The following DROSHA variants were observed in gnomAD, a reference collection of about 807,000 sequenced individuals.
DROSHA encodes ribonuclease 3.
A neutral mutation model predicts 181.9 loss-of-function variants in DROSHA; 56 were observed. The ratio of observed to expected loss-of-function variants is 0.31; its 90% CI spans 0.25 to 0.38. DROSHA has a LOEUF of 0.38. Ranked by LOEUF, DROSHA falls within the 10% of genes least tolerant of loss-of-function variation. The probability of loss-of-function intolerance (pLI) is 1.00; values close to 1 mark genes in which losing one functional copy is unlikely to be tolerated. For synonymous variants in DROSHA, 524 were observed against 591.2 expected, an observed-to-expected ratio of 0.89 and a Z score of 1.65; for missense variants, 1,218 against 1,743.5, an observed-to-expected ratio of 0.70 and a Z score of 5.37.
intron 18 of DROSHA, chr5:31,467,208 C>A (rs990858830): frequency 3.3e-5 from 5 of 151,614 alleles, no homozygotes; most frequent in African/African-American, 4.8e-5. Context: ...AACCCTTTAG[C>A]CTCTTCTAAT....
intron 23 of DROSHA, among the ~76,000 whole-genome samples, chr5:31,443,755 A>G (rs955673026): frequency 6.6e-6 from 1 of 152,128 alleles, no homozygotes; most frequent in African/African-American, 2.4e-5. Context: ...GAAAGATACT[A>G]CCCAGCCATT....
intron 10 of DROSHA, among the ~76,000 whole-genome samples, chr5:31,505,428 T>C (rs80338376): frequency 0.027 from 4,047 of 152,200 alleles, 176 homozygotes; most frequent in African/African-American, 0.093. Context: ...GGCACCAGCA[T>C]GCATGAGAAA....
At chr5:31,401,677 T>C in intron 35 of DROSHA, 115 bp from the exon 36 acceptor site, 1 of 640,570 alleles carries the variant, frequency 1.6e-6, no homozygotes, top group Non-Finnish European at 2.1e-6. Context: ...GAAATGTGTA[T>C]AATTGTATTT....
At chr5:31,425,420 C>A (rs1580047123) in intron 27 of DROSHA, among the ~76,000 whole-genome samples, 1 of 152,128 alleles carries the variant, frequency 6.6e-6, no homozygotes, top group East Asian at 1.9e-4. Context: ...ATTCAGAAAT[C>A]TTTCCTTTGA....
Position 31,526,407 on chromosome 5 carries a change from T to C in DROSHA, c.526A>G (p.Asn176Asp). Residue 176 changes from asparagine to aspartate, a missense_variant, in exon 5 of 36, where the codon AAC (asparagine) becomes GAC (aspartate). This residue lies in a region of DROSHA where 536 missense variants were observed against 535.4 expected (regional missense o/e 1.00). Coordinates refer to ENST00000344624, the MANE Select transcript of DROSHA (RefSeq NM_001382508.1). ...YQYPPGYSHH[N>D]FPPPSFNSFQ... ...CTATTAAAACTGGGAGGTGGGAAGTTGTGGTGAGAATAGCCCGGAGGGTAC... is the reference window on the plus strand; with the variant it reads ...CTATTAAAACTGGGAGGTGGGAAGTCGTGGTGAGAATAGCCCGGAGGGTAC... 1 of 1,610,996 alleles carries C rather than the reference T, an allele frequency of 6.2e-7. No homozygotes were observed. The highest frequency in any genetic ancestry group is 1.7e-4 in the Middle Eastern group (1 of 6,060).
At position 31,410,696 on chromosome 5, in the gene DROSHA, G is replaced by C. The variant is rs767655139; in HGVS notation, c.3667+50C>G. 7.6e-6 allele frequency: 12 copies of C among 1,571,656 alleles called. No individual in the cohort carries two copies. The East Asian group carries it at 2.8e-4, about 36-fold the overall frequency. ...AGGAGGAGGACAAATACGGTTACTT[G>C]GACTTAAACTCTGAACCTGGAGGTT... On this transcript the variant is annotated intron_variant, in intron 31 of 35. Coordinates refer to ENST00000344624, the MANE Select transcript of DROSHA (RefSeq NM_001382508.1).
chr5:31,460,921 C>T (rs908467860), intron 20 of DROSHA, among the ~76,000 whole-genome samples: 1 of 151,842 alleles, frequency 6.6e-6, no homozygotes, highest in Non-Finnish European at 1.5e-5. Context: ...ACAACAAAAA[C>T]ACTGTTGGTC....
At chr5:31,435,570 G>A (rs1744687243) in intron 25 of DROSHA, among the ~76,000 whole-genome samples, 195 bp downstream of exon 25, 1 of 152,126 alleles carries the variant, frequency 6.6e-6, no homozygotes, top group South Asian at 2.1e-4. Flanking sequence ...TTCATTAGCT[G>A]CTGGTGAAAC....
At chr5:31,462,477 C>A (rs137954841) in intron 20 of DROSHA, among the ~76,000 whole-genome samples, 1 of 152,026 alleles carries the variant, frequency 6.6e-6, no homozygotes, top group Non-Finnish European at 1.5e-5. Context: ...TGCCTACCAA[C>A]CTCGAAACAG....
intron 17 of DROSHA, 150 bp downstream of exon 17, chr5:31,471,913 A>T: frequency 1.5e-6 from 1 of 665,878 alleles, no homozygotes; most frequent in South Asian, 5.6e-5. Flanking sequence ...ATATTTTCTT[A>T]TTTACTAAAT....
chr5:31,401,676 A>G (rs1740013476), intron 35 of DROSHA, 114 bp from the exon 36 acceptor site: 1 of 648,076 alleles, frequency 1.5e-6, no homozygotes, highest in Non-Finnish European at 2.1e-6. Flanking sequence ...TGAAATGTGT[A>G]TAATTGTATT....
intron 16 of DROSHA, among the ~76,000 whole-genome samples, chr5:31,475,115 C>G (rs866809038): frequency 6.6e-6 from 1 of 152,198 alleles, no homozygotes; most frequent in South Asian, 2.1e-4. Flanking sequence ...CTCAGGAGTT[C>G]AAGGCTAGCC....
chr5:31,522,207 T>C (rs1224748884), intron 5 of DROSHA, among the ~76,000 whole-genome samples: 3 of 152,214 alleles, frequency 2.0e-5, no homozygotes, highest in Admixed American at 6.5e-5. Flanking sequence ...CTGATATATA[T>C]ACAATCCTCA....
rs780328063 is a variant in DROSHA, at chr5:31,409,027, C to T, written c.3854+29G>A. 5.6e-6 allele frequency: 9 copies of T among 1,603,542 alleles called. No homozygotes were observed. In the East Asian group the frequency reaches 1.8e-4, roughly 32 times the overall value. ...TCAATTTTAGGCATGCTGGATCCAA[C>T]CAATGGCCTGCAGGCAACAAGTACT... On this transcript the variant is annotated intron_variant, in intron 33 of 35. Coordinates refer to ENST00000344624, the MANE Select transcript of DROSHA (RefSeq NM_001382508.1). This position sits in a 1 kb window ranked among gnomAD's most constrained non-coding sequence, Gnocchi z 4.0.
intron 30 of DROSHA, among the ~76,000 whole-genome samples, chr5:31,412,181 G>A (rs113091764): frequency 9.3e-4 from 141 of 152,258 alleles, no homozygotes; most frequent in East Asian, 7.1e-3. Context: ...GAGGACAGCC[G>A]GGAGCAAGGA....
chr5:31,526,209 C>T lies in DROSHA; in HGVS notation c.724G>A (p.Glu242Lys). 6.2e-7 allele frequency: 1 copy of T among 1,613,866 alleles called. No individual in the cohort carries two copies. The highest frequency in any genetic ancestry group is 8.5e-7 in the Non-Finnish European group (1 of 1,179,876). ...CGCCGATCCAGGGACCGATGCCTCT[C>T]ACCTCGCCCATGACTGTGATCTCGG... is the stretch of plus-strand genomic sequence containing the variant. ...RHRDHSHGRG[E>K]RHRSLDRRER... The change falls in exon 5 of 36, where the codon GAG (glutamate) becomes AAG (lysine). Residue 242 changes from glutamate (E) to lysine (K), a missense_variant. Around this residue, in one of 8 missense-constraint regions of DROSHA, gnomAD observed 536 missense variants for 535.4 expected, o/e 1.00. Transcript: ENST00000344624.
At chr5:31,421,507 A>C in intron 29 of DROSHA, 130 bp from the exon 30 acceptor site, 2 of 719,792 alleles carry the variant, frequency 2.8e-6, no homozygotes, top group Admixed American at 4.8e-5. Flanking sequence ...CACAAAACCA[A>C]ATACAATTCC....
chr5:31,525,356 T>TAGC (rs1740402492), intron 5 of DROSHA, among the ~76,000 whole-genome samples: 1 of 129,816 alleles, frequency 7.7e-6, no homozygotes, highest in African/African-American at 2.9e-5. Flanking sequence ...AAAAAAAAAT[T>TAGC]AGCCGAGTGT....
chr5:31,453,237 C>T (rs1747241381), intron 20 of DROSHA, among the ~76,000 whole-genome samples: 1 of 152,124 alleles, frequency 6.6e-6, no homozygotes, highest in African/African-American at 2.4e-5. Flanking sequence ...ACTCTGTCAC[C>T]CAGGCTAGAG....
Sources: allele counts gnomAD v4.1 joint callset (sites outside exome capture counted in the v4.1 genomes callset), GRCh38; gene constraint gnomAD v4.1.1; regional missense constraint gnomAD v4.1.1; non-coding constraint Gnocchi (gnomAD v3.1); transcripts MANE v1.5; gene names NCBI Gene and HGNC (gene_info 2026-07-23, HGNC 2026-07-21).